LEMD1: variants seen among roughly 807,000 people sequenced by gnomAD.
LEMD1 encodes LEM domain containing 1.
In LEMD1, 18 loss-of-function variants were observed where a neutral mutation model predicts 17.4. The observed-to-expected ratio is 1.04, with a 90% CI of 0.72 to 1.54. The LOEUF is 1.54. Among genes scored for constraint, LEMD1 ranks in the 40% most tolerant of loss-of-function variants. The pLI is 0.00. For missense variants in LEMD1, 195 were observed against 210.4 expected, an observed-to-expected ratio of 0.93 and a Z score of 0.45; for synonymous variants, 88 against 77.8, an observed-to-expected ratio of 1.13 and a Z score of -0.69.
chr1:205,382,463 A>G (rs753212438), intron 5 of LEMD1, among the ~76,000 whole-genome samples: 1 of 151,770 alleles, frequency 6.6e-6, no homozygotes. Context: ...AGGGCTCACC[A>G]TGTTGCCCAG....
chr1:205,397,041 G>T (rs1045635615), intron 4 of LEMD1, among the ~76,000 whole-genome samples: 2 of 152,118 alleles, frequency 1.3e-5, no homozygotes, highest in African/African-American at 4.8e-5. Flanking sequence ...ATTTCTAACT[G>T]TGCTGATTTC....
At chr1:205,416,786 A>G (rs149166630) in intron 3 of LEMD1, among the ~76,000 whole-genome samples, 10 of 152,330 alleles carry the variant, frequency 6.6e-5, no homozygotes, top group African/African-American at 2.2e-4. Flanking sequence ...TGATAAACCT[A>G]GAGGAATGGT....
intron 1 of LEMD1, chr1:205,437,705 G>A (rs916968149): frequency 2.0e-5 from 3 of 152,218 alleles, no homozygotes; most frequent in Admixed American, 2.0e-4. Flanking sequence ...GACTCACAGA[G>A]CCCTGGACTC....
upstream of LEMD1, among the ~76,000 whole-genome samples, chr1:205,423,527 TA>T (rs1666014399): frequency 1.3e-5 from 2 of 152,252 alleles, no homozygotes; most frequent in Non-Finnish European, 2.9e-5. Context: ...CTCTGGGGTT[TA>T]AAACAAGCTA....
chr1:205,385,184 T>C (rs1663931893), intron 4 of LEMD1: 1 of 152,118 alleles, frequency 6.6e-6, no homozygotes, highest in Non-Finnish European at 1.5e-5. Flanking sequence ...TCAGCCCTAA[T>C]ATACACATTT....
At chr1:205,416,329 A>G in intron 3 of LEMD1, 33 bp from the exon 4 acceptor site, 4 of 1,429,330 alleles carry the variant, frequency 2.8e-6, no homozygotes, top group Middle Eastern at 1.7e-4. Context: ...AAAATAGGCC[A>G]TGAGAACATT....
At chr1:205,397,810 C>T (rs982594143) in intron 4 of LEMD1, among the ~76,000 whole-genome samples, 1 of 152,096 alleles carries the variant, frequency 6.6e-6, no homozygotes, top group Non-Finnish European at 1.5e-5. Context: ...TTGGTGTATT[C>T]TTAGATGAAA....
At chr1:205,389,113 A>G (rs1447108103) in intron 4 of LEMD1, among the ~76,000 whole-genome samples, 5 of 137,088 alleles carry the variant, frequency 3.6e-5, no homozygotes, top group Admixed American at 8.6e-5. Context: ...CAGTGCCACA[A>G]TCTCGGCTCA....
intron 1 of LEMD1, chr1:205,449,832 C>A (rs1575013335): frequency 6.5e-6 from 1 of 152,674 alleles, no homozygotes; most frequent in Admixed American, 6.5e-5. Context: ...CCAAGGGATG[C>A]TGGGCCAGGG....
chr1:205,411,821 G>A (rs531606614), intron 4 of LEMD1, among the ~76,000 whole-genome samples: 18 of 152,282 alleles, frequency 1.2e-4, no homozygotes, highest in South Asian at 2.1e-4. Context: ...TGGGAGAACA[G>A]AGTAAACTGA....
At chr1:205,408,082 G>A (rs1311181266) in intron 4 of LEMD1, among the ~76,000 whole-genome samples, 1 of 152,174 alleles carries the variant, frequency 6.6e-6, no homozygotes, top group Non-Finnish European at 1.5e-5. Flanking sequence ...ACTAAAGAGA[G>A]CGTGTGTTCC....
upstream of LEMD1, among the ~76,000 whole-genome samples, chr1:205,424,811 C>T (rs761129419): frequency 6.6e-6 from 1 of 152,194 alleles, no homozygotes; most frequent in South Asian, 2.1e-4. Context: ...GCTCTGCCTT[C>T]ACCTCTGGGC....
At chr1:205,403,084 G>T (rs1664924925) in intron 4 of LEMD1, among the ~76,000 whole-genome samples, 1 of 151,926 alleles carries the variant, frequency 6.6e-6, no homozygotes, top group Admixed American at 6.6e-5. Context: ...TTTTTGATGT[G>T]CTGCTGGATT....
rs747294207 is a variant in LEMD1 at position 205,448,404 on chromosome 1, G to A, written c.-39+1464C>T. On this transcript the variant is annotated intron_variant, in intron 1 of 3. Transcript: ENST00000367154. The surrounding 1 kb of genome is among the most constrained non-coding windows in gnomAD (Gnocchi z 4.7). ...CCATAGGCCACAGCAGAGTGGAGGG[G>A]TCCAGCGGCAGGAATCTCATAGGGA... The A allele has an allele frequency of 3.7e-6, 2 of 534,092 alleles. No individual in the cohort carries two copies. The highest frequency in any genetic ancestry group is 7.7e-6 in the Non-Finnish European group (2 of 259,928). The allele number at this position is 534,092 out of a possible 1,614,324, so 33.1% of individuals were successfully genotyped here.
At chr1:205,424,268 T>C (rs749354523), upstream of LEMD1, among the ~76,000 whole-genome samples, 13 of 152,182 alleles carry the variant, frequency 8.5e-5, no homozygotes, top group Non-Finnish European at 1.9e-4. Context: ...GAGTCTCCAC[T>C]ATGCAGGCAA....
chr1:205,386,106 G>A (rs2102338168), intron 4 of LEMD1: 1 of 152,592 alleles, frequency 6.6e-6, no homozygotes, highest in Non-Finnish European at 1.5e-5. Context: ...GATGTGGTCA[G>A]GACACAACAA....
intron 3 of LEMD1, 107 bp downstream of exon 3, chr1:205,419,123 C>T: frequency 7.6e-7 from 1 of 1,313,784 alleles, no homozygotes. Context: ...GGCCCTATGG[C>T]TATTTCACAG....
At chr1:205,410,787 G>A (rs1376483919) in intron 4 of LEMD1, among the ~76,000 whole-genome samples, 2 of 151,804 alleles carry the variant, frequency 1.3e-5, no homozygotes. Context: ...GTTAACTTGA[G>A]CTCAAGGAGG....
intron 4 of LEMD1, among the ~76,000 whole-genome samples, chr1:205,398,988 G>C (rs898366779): frequency 6.6e-6 from 1 of 152,202 alleles, no homozygotes; most frequent in Admixed American, 6.5e-5. Flanking sequence ...GCCAAGGCGG[G>C]TGGATCACCT....
Sources: gnomAD v4.1 joint callset for allele counts (sites outside exome capture counted in the v4.1 genomes callset) on GRCh38, gnomAD v4.1.1 for gene constraint, Gnocchi (gnomAD v3.1) non-coding constraint, MANE v1.5 for transcripts, NCBI Gene and HGNC (gene_info 2026-07-23, HGNC 2026-07-21) for gene names.